The following TAFA5 variants were observed in gnomAD, a reference collection of about 807,000 sequenced individuals.
The protein encoded by TAFA5 is TAFA chemokine like family member 5.
Under a neutral mutation model 15.3 loss-of-function variants are expected in TAFA5, and 6 were observed. The observed-to-expected ratio is 0.39, with a 90% CI of 0.21 to 0.77. The LOEUF (loss-of-function observed/expected upper bound fraction) is 0.77, where lower values mean the gene tolerates loss of function less well. Among genes scored for constraint, TAFA5 ranks in the 30% least tolerant of loss-of-function variants. The pLI is 0.41. For synonymous variants in TAFA5, 103 were observed against 80.7 expected (o/e 1.28, Z -1.48); for missense variants, 161 against 193.1 (o/e 0.83, Z 0.98).
At chr22:48,584,877 G>A (rs189658549) in intron 1 of TAFA5, among the ~76,000 whole-genome samples, 91 of 124,586 alleles carry the variant, frequency 7.3e-4, no homozygotes, top group African/African-American at 2.8e-3. Flanking sequence ...CATACCACAA[G>A]CACACCATTC....
intron 1 of TAFA5, among the ~76,000 whole-genome samples, chr22:48,581,973 G>T (rs868552584): frequency 2.0e-5 from 3 of 152,254 alleles, no homozygotes; most frequent in Non-Finnish European, 2.9e-5. Flanking sequence ...GCAGCTGTGG[G>T]TCTGCGTGGA....
At chr22:48,633,391 T>C (rs1926302809) in intron 1 of TAFA5, among the ~76,000 whole-genome samples, 1 of 152,174 alleles carries the variant, frequency 6.6e-6, no homozygotes, top group Non-Finnish European at 1.5e-5. Flanking sequence ...TGTGGAATGT[T>C]CTTGAAACAA....
At chr22:48,588,884 G>A (rs1223389140) in intron 1 of TAFA5, among the ~76,000 whole-genome samples, 1 of 152,148 alleles carries the variant, frequency 6.6e-6, no homozygotes, top group East Asian at 1.9e-4. Flanking sequence ...ATATTTAGAA[G>A]AGGTCATGGA....
At chr22:48,562,081 G>C (rs1187009243) in intron 1 of TAFA5, among the ~76,000 whole-genome samples, 1 of 152,154 alleles carries the variant, frequency 6.6e-6, no homozygotes, top group Non-Finnish European at 1.5e-5. Flanking sequence ...CTGATTTGCA[G>C]CCATCTCTGC....
chr22:48,537,809 G>C (rs544074330), intron 1 of TAFA5, among the ~76,000 whole-genome samples: 1 of 152,348 alleles, frequency 6.6e-6, no homozygotes, highest in East Asian at 1.9e-4. Flanking sequence ...CCGGAGTGAA[G>C]AGAGCAGGAG....
intron 1 of TAFA5, among the ~76,000 whole-genome samples, chr22:48,557,163 G>T (rs1923070119): frequency 6.6e-6 from 1 of 152,192 alleles, no homozygotes; most frequent in African/African-American, 2.4e-5. Flanking sequence ...GTATGTTGAT[G>T]TCCTAACCCC....
intron 1 of TAFA5, among the ~76,000 whole-genome samples, chr22:48,596,962 C>G (rs1053801544): frequency 6.6e-6 from 1 of 152,168 alleles, no homozygotes; most frequent in African/African-American, 2.4e-5. Context: ...TGTGCACCCC[C>G]ACGCTTGACT....
chr22:48,675,202 A>C (rs1243484827), intron 2 of TAFA5, among the ~76,000 whole-genome samples: 1 of 152,190 alleles, frequency 6.6e-6, no homozygotes, highest in Non-Finnish European at 1.5e-5. Context: ...TCGGCCTCCG[A>C]AGCTCTGTGG....
intron 1 of TAFA5, among the ~76,000 whole-genome samples, chr22:48,532,967 C>T (rs140873265): frequency 0.013 from 1,971 of 152,322 alleles, 15 homozygotes; most frequent in Middle Eastern, 0.031. Context: ...AAGGTCCCAC[C>T]GCCTGTGGGT....
chr22:48,537,590 G>A (rs1922213120), intron 1 of TAFA5, among the ~76,000 whole-genome samples: 1 of 152,248 alleles, frequency 6.6e-6, no homozygotes, highest in Non-Finnish European at 1.5e-5. Flanking sequence ...GGACCCAGAA[G>A]CTGGCAGCAA....
At chr22:48,715,862 A>G (rs1434304391) in intron 3 of TAFA5, among the ~76,000 whole-genome samples, 1 of 152,216 alleles carries the variant, frequency 6.6e-6, no homozygotes, top group Non-Finnish European at 1.5e-5. Context: ...TCATTAAAGG[A>G]GTGTCGAGAA....
At chr22:48,709,787 G>A (rs1270325909) in intron 3 of TAFA5, among the ~76,000 whole-genome samples, 1 of 152,224 alleles carries the variant, frequency 6.6e-6, no homozygotes, top group Non-Finnish European at 1.5e-5. Flanking sequence ...AGAGCTGGCG[G>A]TGGATAAGCA....
At chr22:48,654,513 G>A (rs559510171) in intron 2 of TAFA5, among the ~76,000 whole-genome samples, 2 of 152,350 alleles carry the variant, frequency 1.3e-5, no homozygotes, top group East Asian at 3.9e-4. Context: ...TGTGATTCGG[G>A]GACAGAGAGC....
intron 1 of TAFA5, among the ~76,000 whole-genome samples, chr22:48,630,526 C>T (rs895535623): frequency 3.3e-5 from 5 of 152,304 alleles, no homozygotes; most frequent in South Asian, 4.1e-4. Flanking sequence ...TTTCCAGCCT[C>T]GCTCGGGCCC....
intron 1 of TAFA5, among the ~76,000 whole-genome samples, chr22:48,638,301 A>G (rs7290815): frequency 0.43 from 47,867 of 112,224 alleles, 7,952 homozygotes; most frequent in South Asian, 0.49. Flanking sequence ...TAAGCCACAC[A>G]TAGGCAACAA....
At chr22:48,556,178 G>T (rs1923031143) in intron 1 of TAFA5, among the ~76,000 whole-genome samples, 1 of 152,180 alleles carries the variant, frequency 6.6e-6, no homozygotes, top group Non-Finnish European at 1.5e-5. Context: ...CAGAGGAGAA[G>T]AATTTGTCCT....
intron 1 of TAFA5, among the ~76,000 whole-genome samples, chr22:48,593,039 C>T (rs1379661946): frequency 2.0e-5 from 3 of 152,120 alleles, no homozygotes; most frequent in Admixed American, 6.5e-5. Flanking sequence ...AGGAGGGAGG[C>T]GTCCCTGCAG....
At chr22:48,570,626 TG>T (rs1250592456) in intron 1 of TAFA5, among the ~76,000 whole-genome samples, 1 of 152,224 alleles carries the variant, frequency 6.6e-6, no homozygotes, top group East Asian at 1.9e-4. Flanking sequence ...CTTTCCATTT[TG>T]AACAGTGAAA....
chr22:48,610,608 C>T (rs1467578629), intron 1 of TAFA5, among the ~76,000 whole-genome samples: 2 of 117,388 alleles, frequency 1.7e-5, no homozygotes, highest in Non-Finnish European at 4.1e-5. Context: ...AGCAGAGGGG[C>T]AGGCTCGCAG....
Sources: allele counts gnomAD v4.1 joint callset (sites outside exome capture counted in the v4.1 genomes callset), GRCh38; gene constraint gnomAD v4.1.1; transcripts MANE v1.5; gene names NCBI Gene and HGNC (gene_info 2026-07-23, HGNC 2026-07-21).